Variants in GRIK4 observed in about 807,000 individuals in gnomAD.
GRIK4 encodes the protein glutamate receptor ionotropic, kainate 4.
A neutral mutation model predicts 104.9 loss-of-function variants in GRIK4; 40 were observed. That is an observed-to-expected ratio of 0.38 (90% CI 0.30 to 0.50). The LOEUF (loss-of-function observed/expected upper bound fraction) is 0.50, where lower values mean the gene tolerates loss of function less well. GRIK4 is among the 20% of genes least tolerant of loss of function. The probability of loss-of-function intolerance (pLI) is 0.93; values close to 1 mark genes in which losing one functional copy is unlikely to be tolerated. For missense variants in GRIK4, 1,047 were observed against 1,308.1 expected (o/e 0.80, Z 3.08); for synonymous variants, 485 against 524.9 (o/e 0.92, Z 1.04).
chr11:120,819,916 A>G lies in GRIK4; in HGVS notation c.507A>G (p.Ala169=). 1 of 1,613,732 alleles carries G rather than the reference A, an allele frequency of 6.2e-7. No homozygotes were observed. The highest frequency in any genetic ancestry group is 1.3e-5 in the African/African-American group (1 of 75,020). ...CTTACLICAK[A]ECLLNLEKLL... is the part of the protein sequence containing the mutation. The stretch of plus-strand genomic sequence containing the variant: ...CCGCCTGCCTCATCTGTGCCAAAGC[A>G]GAATGTAAGTTTCCCCAGGCTGGCT... The change falls in exon 6 of 21, where the codon GCA becomes GCG. Residue 169 remains alanine, a synonymous_variant. Transcript: ENST00000527524. The surrounding 1 kb of genome is among the most constrained non-coding windows in gnomAD (Gnocchi z 4.3).
chr11:120,586,861 G>A (rs114281265), intron 1 of GRIK4, among the ~76,000 whole-genome samples: 1,916 of 152,210 alleles, frequency 0.013, 35 homozygotes, highest in African/African-American at 0.044. Context: ...CTGCAGTCGC[G>A]CTGCCCCAGG....
rs58299807 is a variant in GRIK4, at chr11:120,821,782, C to T, written c.511+1862C>T. ...GTCCATCACTCAGGCAGTCAACAGG[C>T]GTCTTCGAGCATCTCCTGGGTGCTG... On this transcript the variant is annotated intron_variant, in intron 6 of 20. Coordinates refer to ENST00000527524, the MANE Select transcript of GRIK4 (RefSeq NM_014619.5). 1.2e-3 allele frequency among the ~76,000 whole-genome samples: 187 copies of T among 152,310 alleles called. 2 individuals are homozygous for T. The East Asian group carries it at 0.016, about 13-fold the overall frequency.
chr11:120,596,128 G>T (rs1299984796), intron 1 of GRIK4, among the ~76,000 whole-genome samples: 1 of 152,220 alleles, frequency 6.6e-6, no homozygotes. Flanking sequence ...TTACAGGCAC[G>T]GGCCACTGTG....
At chr11:120,941,413 G>T (rs1242948950) in intron 14 of GRIK4, among the ~76,000 whole-genome samples, 1 of 152,250 alleles carries the variant, frequency 6.6e-6, no homozygotes, top group African/African-American at 2.4e-5. Context: ...CTAGAGAAAA[G>T]GAGATCGTCC....
At chr11:120,979,361 C>G (rs478978) in intron 19 of GRIK4, among the ~76,000 whole-genome samples, 36,836 of 152,074 alleles carry the variant, frequency 0.24, 4,756 homozygotes, top group African/African-American at 0.33. Context: ...GAAAGCACAG[C>G]CAGTTGTAAG....
intron 1 of GRIK4, among the ~76,000 whole-genome samples, chr11:120,563,317 A>G (rs549473079): frequency 5.3e-5 from 8 of 152,262 alleles, no homozygotes; most frequent in Admixed American, 3.9e-4. Context: ...GCCTAGCTTC[A>G]GGAGAGGAAC....
rs947081711 is a variant in GRIK4, at chr11:120,986,839, A to C, written c.*579A>C. ...GCTGGGTTAGGGAATGGAAGCCTAAATAATCCCTATTTCTTCTTTTTCCTG... is the reference window on the plus strand; with the variant it reads ...GCTGGGTTAGGGAATGGAAGCCTAACTAATCCCTATTTCTTCTTTTTCCTG... On this transcript the variant is annotated 3_prime_UTR_variant, in exon 21 of 21. Transcript: ENST00000527524. 6.6e-6 allele frequency: 1 copy of C among 152,220 alleles called. No homozygotes were observed. Among genetic ancestry groups the C allele is most frequent in the Non-Finnish European group, 1.5e-5 (1 of 68,084 alleles). 9.4% of individuals were successfully genotyped at this position (152,220 alleles called of 1,614,324 possible).
chr11:120,682,639 G>A (rs1200104884), intron 3 of GRIK4, among the ~76,000 whole-genome samples: 2 of 149,826 alleles, frequency 1.3e-5, no homozygotes, highest in Non-Finnish European at 3.0e-5. Flanking sequence ...TATCCTACAG[G>A]TAAAATGCCA....
At chr11:120,542,973 G>T (rs1948051787) in intron 1 of GRIK4, among the ~76,000 whole-genome samples, 1 of 152,230 alleles carries the variant, frequency 6.6e-6, no homozygotes, top group Admixed American at 6.5e-5. Context: ...ACCCTGTGCT[G>T]CAGGGTTCCT....
chr11:120,604,495 G>C (rs1293064445), intron 1 of GRIK4, among the ~76,000 whole-genome samples: 1 of 152,242 alleles, frequency 6.6e-6, no homozygotes, highest in East Asian at 1.9e-4. Flanking sequence ...ACCTCACTGG[G>C]CTTGTGCCCA....
intron 1 of GRIK4, among the ~76,000 whole-genome samples, chr11:120,585,676 A>G (rs1326638544): frequency 6.8e-6 from 1 of 146,688 alleles, no homozygotes; most frequent in African/African-American, 2.5e-5. Flanking sequence ...AGTTTGAGTT[A>G]TTTTTGCATA....
chr11:120,981,623 T>A (rs1000075475), intron 19 of GRIK4, among the ~76,000 whole-genome samples: 2 of 152,242 alleles, frequency 1.3e-5, no homozygotes, highest in Non-Finnish European at 2.9e-5. Context: ...TTTAGTAACA[T>A]GTTGACAAAG....
intron 1 of GRIK4, among the ~76,000 whole-genome samples, chr11:120,574,199 G>C (rs1365581080): frequency 6.6e-6 from 1 of 152,204 alleles, no homozygotes; most frequent in Admixed American, 6.5e-5. Flanking sequence ...GAATTGAGCA[G>C]TGGTTGTGCT....
intron 19 of GRIK4, among the ~76,000 whole-genome samples, chr11:120,969,143 G>T (rs577778695): frequency 6.6e-6 from 1 of 152,330 alleles, no homozygotes; most frequent in South Asian, 2.1e-4. Context: ...GCATCTTAAG[G>T]TGACTTCTGG....
intron 3 of GRIK4, among the ~76,000 whole-genome samples, chr11:120,767,329 G>A (rs1951857460): frequency 6.6e-6 from 1 of 151,996 alleles, no homozygotes; most frequent in Non-Finnish European, 1.5e-5. Context: ...TATATCTGTT[G>A]GCCATTTGTA....
chr11:120,653,845 G>T (rs1422689200), intron 2 of GRIK4, 53 bp downstream of exon 2: 1 of 152,286 alleles, frequency 6.6e-6, no homozygotes, highest in Admixed American at 6.5e-5. Flanking sequence ...GGCTCTGAGG[G>T]GGGCAGCTGC....
intron 3 of GRIK4, among the ~76,000 whole-genome samples, chr11:120,729,637 G>A (rs1939666): frequency 0.46 from 69,357 of 151,930 alleles, 16,579 homozygotes; most frequent in South Asian, 0.53. Context: ...AGTTGTTTGA[G>A]CTCCTTATAT....
chr11:120,619,673 T>G (rs1162662514), intron 1 of GRIK4, among the ~76,000 whole-genome samples: 1 of 152,132 alleles, frequency 6.6e-6, no homozygotes, highest in Non-Finnish European at 1.5e-5. Flanking sequence ...GAGATCTGGT[T>G]GTTTAAAAGT....
chr11:120,923,404 ATTTTT>A (rs775194642), intron 13 of GRIK4, among the ~76,000 whole-genome samples: 2 of 81,644 alleles, frequency 2.4e-5, no homozygotes, highest in Non-Finnish European at 4.4e-5. Flanking sequence ...CCATTTGCTC[ATTTTT>A]TTTTTTTTTT....
Sources: allele counts gnomAD v4.1 joint callset (sites outside exome capture counted in the v4.1 genomes callset), GRCh38; gene constraint gnomAD v4.1.1; non-coding constraint Gnocchi (gnomAD v3.1); transcripts MANE v1.5; gene names NCBI Gene and HGNC (gene_info 2026-07-23, HGNC 2026-07-21).